The following PTPN14 variants were observed in gnomAD, a reference collection of about 807,000 sequenced individuals.
PTPN14 encodes the protein tyrosine-protein phosphatase non-receptor type 14.
Under a neutral mutation model 126.8 loss-of-function variants are expected in PTPN14, and 53 were observed. That is an observed-to-expected ratio of 0.42 (90% CI 0.34 to 0.53). The LOEUF (loss-of-function observed/expected upper bound fraction) is 0.53. PTPN14 is among the 20% of genes least tolerant of loss of function. The probability of loss-of-function intolerance (pLI) is 0.08; values close to 1 mark genes in which losing one functional copy is unlikely to be tolerated. For synonymous variants in PTPN14, 630 were observed against 599.3 expected, an observed-to-expected ratio of 1.05 and a Z score of -0.75; for missense variants, 1,257 against 1,552.9, an observed-to-expected ratio of 0.81 and a Z score of 3.20.
chr1:214,471,314 G>A (rs1660754630), intron 1 of PTPN14, among the ~76,000 whole-genome samples: 2 of 152,144 alleles, frequency 1.3e-5, no homozygotes, highest in African/African-American at 4.8e-5. Flanking sequence ...TACTATTAGG[G>A]ATAGGAACAT....
chr1:214,391,916 C>T (rs1658762241), intron 10 of PTPN14, among the ~76,000 whole-genome samples: 1 of 152,076 alleles, frequency 6.6e-6, no homozygotes, highest in East Asian at 1.9e-4. Context: ...ATATATACCG[C>T]CGCCTAATTT....
intron 1 of PTPN14, among the ~76,000 whole-genome samples, chr1:214,515,186 T>C (rs17734993): frequency 0.045 from 6,867 of 152,240 alleles, 229 homozygotes; most frequent in South Asian, 0.12. Context: ...AAGCCTTATT[T>C]CAGTGATTAA....
intron 1 of PTPN14, among the ~76,000 whole-genome samples, chr1:214,516,781 T>C (rs562770327): frequency 6.6e-6 from 1 of 152,194 alleles, no homozygotes; most frequent in East Asian, 1.9e-4. Flanking sequence ...AGGTGCTAAG[T>C]GTTCCACCTA....
chr1:214,484,095 T>C (rs1201969173), intron 1 of PTPN14, among the ~76,000 whole-genome samples: 1 of 152,256 alleles, frequency 6.6e-6, no homozygotes. Flanking sequence ...ATGGTTATTT[T>C]AATCCAGTCA....
At chr1:214,451,699 G>A (rs1660275413) in intron 3 of PTPN14, 106 bp downstream of exon 3, 17 of 1,306,642 alleles carry the variant, frequency 1.3e-5, no homozygotes, top group African/African-American at 3.0e-5. Flanking sequence ...CCACACACCC[G>A]CACCCACACC....
At position 214,352,905 on chromosome 1, in the gene PTPN14, T is replaced by C. The variant is rs1214509800; in HGVS notation, c.*5017A>G. On this transcript the variant is annotated 3_prime_UTR_variant, in exon 19 of 19. Transcript: ENST00000366956. ...AATTGTTGGTAAAACATGGGAATGC[T>C]CAATTCCCTAAAAGGGCTACCCTAA... 1 of 152,218 alleles carries C rather than the reference T, an allele frequency of 6.6e-6. No individual in the cohort carries two copies. Among genetic ancestry groups the C allele is most frequent in the Non-Finnish European group, 1.5e-5 (1 of 68,048 alleles). 9.4% of individuals were successfully genotyped at this position (152,218 alleles called of 1,614,324 possible). A position where few individuals can be genotyped will look rare whatever the true frequency, so the allele number is the denominator to read the frequency against.
intron 13 of PTPN14, among the ~76,000 whole-genome samples, chr1:214,380,064 CT>C (rs1658437465): frequency 6.6e-6 from 1 of 152,226 alleles, no homozygotes; most frequent in African/African-American, 2.4e-5. Context: ...CGGGAACCCC[CT>C]GGGGGAAGAT....
intron 1 of PTPN14, among the ~76,000 whole-genome samples, chr1:214,488,761 A>T (rs1358264151): frequency 1.3e-5 from 2 of 152,218 alleles, no homozygotes; most frequent in Non-Finnish European, 2.9e-5. Context: ...TTCTCTGGAA[A>T]GAGGTTTTTG....
intron 12 of PTPN14, 127 bp downstream of exon 12, chr1:214,386,717 C>T (rs41277182): frequency 1.1e-4 from 111 of 1,012,816 alleles, no homozygotes; most frequent in Non-Finnish European, 1.5e-4. Flanking sequence ...CTGTTAGCTA[C>T]TGTCATTCAG....
chr1:214,359,202 G>C (rs1007125343), intron 18 of PTPN14, among the ~76,000 whole-genome samples: 1 of 151,326 alleles, frequency 6.6e-6, no homozygotes, highest in African/African-American at 2.4e-5. Flanking sequence ...GCCTTCAACT[G>C]AGAACACTTT....
At chr1:214,527,138 C>T (rs964498763) in intron 1 of PTPN14, among the ~76,000 whole-genome samples, 3 of 151,782 alleles carry the variant, frequency 2.0e-5, no homozygotes, top group Non-Finnish European at 4.4e-5. Context: ...CAAGAAGGTG[C>T]GGATCTCAGA....
chr1:214,550,464 C>T (rs998107790), intron 1 of PTPN14, among the ~76,000 whole-genome samples: 2 of 152,148 alleles, frequency 1.3e-5, no homozygotes, highest in Non-Finnish European at 2.9e-5. Flanking sequence ...GGCAGCGTTA[C>T]CTCACTGCTC....
intron 1 of PTPN14, among the ~76,000 whole-genome samples, chr1:214,473,448 CTTTA>C (rs1329104954): frequency 1.3e-5 from 2 of 152,172 alleles, no homozygotes; most frequent in Non-Finnish European, 2.9e-5. Context: ...ATACTTAACT[CTTTA>C]TTTTTTTTCT....
At chr1:214,518,182 C>T (rs1334839070) in intron 1 of PTPN14, among the ~76,000 whole-genome samples, 1 of 151,958 alleles carries the variant, frequency 6.6e-6, no homozygotes, top group African/African-American at 2.4e-5. Flanking sequence ...TTTCTCTTCC[C>T]GAGGATGAAA....
chr1:214,416,608 G>C (rs560009375), intron 3 of PTPN14, among the ~76,000 whole-genome samples: 1 of 152,292 alleles, frequency 6.6e-6, no homozygotes, highest in African/African-American at 2.4e-5. Context: ...GATTTTGCTG[G>C]AATATAAAAA....
Position 214,384,887 on chromosome 1 carries a change from C to A in PTPN14, c.1067-99G>T. 7.2e-7 allele frequency: 1 copy of A among 1,395,068 alleles called. No homozygotes were observed. The highest frequency in any genetic ancestry group is 9.7e-7 in the Non-Finnish European group (1 of 1,034,156). 86.4% of individuals were successfully genotyped at this position (1,395,068 alleles called of 1,614,324 possible). A position where few individuals can be genotyped will look rare whatever the true frequency, so the allele number is the denominator to read the frequency against. On this transcript the variant is annotated intron_variant, in intron 12 of 18. Coordinates refer to ENST00000366956, the MANE Select transcript of PTPN14 (RefSeq NM_005401.5). The surrounding 1 kb of genome is among the most constrained non-coding windows in gnomAD (Gnocchi z 5.3). ...GAGGTGACTTTTAATTTAAACAAAT[C>A]ATAAAAAGTGAAATCCCATGGTCTC...
In PTPN14 at chr1:214,402,776, T is replaced by C. The variant is rs185557265; in HGVS notation, c.581+107A>G. The C allele has an allele frequency of 1.1e-3, 1,359 of 1,225,924 alleles. 2 individuals carry two copies. The highest frequency in any genetic ancestry group is 2.8e-3 in the Middle Eastern group (10 of 3,548). The allele number at this position is 1,225,924 out of a possible 1,614,324, so 75.9% of individuals were successfully genotyped here. A position where few individuals can be genotyped will look rare whatever the true frequency, so the allele number is the denominator to read the frequency against. On this transcript the variant is annotated intron_variant, in intron 6 of 18. Transcript: ENST00000366956. ...AGTCACGTGGTGGAATAAATACAAG[T>C]GTGTTGGCTCAAGCCCAGAGTTGCT...
chr1:214,436,064 C>CA (rs1050902818), intron 3 of PTPN14, among the ~76,000 whole-genome samples: 4 of 152,034 alleles, frequency 2.6e-5, no homozygotes, highest in Non-Finnish European at 4.4e-5. Flanking sequence ...TATGCAGCCA[C>CA]AAAAAATGAC....
Position 214,372,718 on chromosome 1 carries a change from G to A in PTPN14, c.3029C>T (p.Ala1010Val), listed in dbSNP as rs769652266. The change falls in exon 16 of 19, where the codon GCA becomes GTA. Residue 1010 changes from alanine to valine, a missense_variant. Coordinates refer to ENST00000366956, the MANE Select transcript of PTPN14 (RefSeq NM_005401.5). ...GTAGGCCATTCCCCTTACCTCCTCT[G>A]CAGTGACCATGGCAATCACATTCAC... is the stretch of plus-strand genomic sequence containing the variant. Reference protein sequence around the residue: ...QGVNVIAMVTAEEEGGRTKSH... With the variant: ...QGVNVIAMVTVEEEGGRTKSH... The A allele has an allele frequency of 3.7e-6, 6 of 1,614,000 alleles. No homozygotes were observed. Among genetic ancestry groups the A allele is most frequent in the Non-Finnish European group, 5.1e-6 (6 of 1,180,022 alleles).
Sources: gnomAD v4.1 joint callset for allele counts (sites outside exome capture counted in the v4.1 genomes callset) on GRCh38, gnomAD v4.1.1 for gene constraint, Gnocchi (gnomAD v3.1) non-coding constraint, MANE v1.5 for transcripts, NCBI Gene and HGNC (gene_info 2026-07-23, HGNC 2026-07-21) for gene names.